The following GRM3 variants were observed in gnomAD, a reference collection of about 807,000 sequenced individuals.
GRM3 encodes metabotropic glutamate receptor 3.
GRM3 carries 26 observed loss-of-function variants against 70.5 expected under a neutral mutation model. That is an observed-to-expected ratio of 0.37 (90% CI 0.27 to 0.51). GRM3 has a LOEUF of 0.51. Ranked by LOEUF, GRM3 falls within the 20% of genes least tolerant of loss-of-function variation. GRM3 has a pLI of 0.93. For missense variants in GRM3, 859 were observed against 1,123.8 expected (o/e 0.76, Z 3.37); for synonymous variants, 443 against 434.9 (o/e 1.02, Z -0.23).
chr7:86,843,864 C>T (rs1216720559), intron 4 of GRM3, among the ~76,000 whole-genome samples: 1 of 152,082 alleles, frequency 6.6e-6, no homozygotes, highest in African/African-American at 2.4e-5. Flanking sequence ...TAAAAAATCA[C>T]CTTGAAAAGC....
intron 1 of GRM3, among the ~76,000 whole-genome samples, chr7:86,677,762 G>C (rs1399603461): frequency 6.6e-6 from 1 of 151,912 alleles, no homozygotes; most frequent in African/African-American, 2.4e-5. Context: ...ATATCAAGGA[G>C]ACTTTAAGAT....
intron 1 of GRM3, among the ~76,000 whole-genome samples, chr7:86,730,453 T>C (rs535686270): frequency 4.1e-4 from 62 of 152,290 alleles, no homozygotes; most frequent in African/African-American, 1.3e-3. Context: ...CTCATAGCCA[T>C]AGAGGAAAGC....
intron 1 of GRM3, among the ~76,000 whole-genome samples, chr7:86,700,946 T>C (rs1230515820): frequency 2.0e-5 from 3 of 151,992 alleles, no homozygotes; most frequent in Admixed American, 2.0e-4. Flanking sequence ...TTAATTGATG[T>C]TCATTGTAAT....
intron 4 of GRM3, among the ~76,000 whole-genome samples, chr7:86,841,462 G>C (rs1186379203): frequency 6.6e-6 from 1 of 152,088 alleles, no homozygotes; most frequent in Non-Finnish European, 1.5e-5. Context: ...GATTAACATG[G>C]AGAACTATAG....
intron 1 of GRM3, among the ~76,000 whole-genome samples, chr7:86,763,912 C>T (rs76232303): frequency 0.022 from 3,309 of 152,110 alleles, 104 homozygotes; most frequent in African/African-American, 0.073. Flanking sequence ...GGTCCTGCTA[C>T]GAATTACAAG....
chr7:86,782,708 C>A lies in GRM3; in HGVS notation c.469-3553C>A, dbSNP rs141107090. Among the ~76,000 whole-genome samples the A allele has an allele frequency of 5.2e-3, 792 of 152,284 alleles. 4 individuals are homozygous for A. Among genetic ancestry groups the A allele is most frequent in the African/African-American group, 0.018 (754 of 41,560 alleles). On this transcript the variant is annotated intron_variant, in intron 2 of 5. Transcript: ENST00000361669. ...TTCTGTGTTGCTGGTTCTTCTAACA[C>A]CAAAATCCCCCAAATGCAGCCTAGC...
intron 1 of GRM3, among the ~76,000 whole-genome samples, chr7:86,729,023 C>T (rs574277552): frequency 7.2e-5 from 11 of 152,150 alleles, no homozygotes; most frequent in Non-Finnish European, 1.6e-4. Flanking sequence ...GAAGGGGGCA[C>T]TCTTTTGTCT....
At chr7:86,784,643 C>G (rs1797176808) in intron 2 of GRM3, 1 of 152,178 alleles carries the variant, frequency 6.6e-6, no homozygotes, top group South Asian at 2.1e-4. Flanking sequence ...CCATTTTGTC[C>G]AGAGTCTCCT....
intron 1 of GRM3, among the ~76,000 whole-genome samples, chr7:86,661,428 G>A (rs1442646672): frequency 2.6e-5 from 4 of 151,882 alleles, no homozygotes; most frequent in African/African-American, 9.7e-5. Flanking sequence ...GGTAGGTGCT[G>A]GGGATCTGTC....
intron 5 of GRM3, among the ~76,000 whole-genome samples, chr7:86,856,452 C>CAA (rs572172399): frequency 4.1e-4 from 28 of 67,518 alleles, no homozygotes; most frequent in Middle Eastern, 8.9e-3. Context: ...TCGCCCTCTG[C>CAA]AAAAAAAAAA....
rs1355378184 is a variant in GRM3 at position 86,839,755 on chromosome 7, G to A, written c.2241G>A (p.Leu747=). 6.2e-7 allele frequency: 1 copy of A among 1,613,888 alleles called. No individual in the cohort carries two copies. Among genetic ancestry groups the A allele is most frequent in the African/African-American group, 1.3e-5 (1 of 74,890 alleles). The change falls in exon 4 of 6, where the codon CTG becomes CTA. Residue 747 remains leucine, a synonymous_variant. Transcript: ENST00000361669. This position sits in a 1 kb window ranked among gnomAD's most constrained non-coding sequence, Gnocchi z 4.5. ...MLISLTYDVI[L]VILCTVYAFK... is the part of the protein sequence containing the mutation. ...TCTCTCTTACCTACGATGTGATCCT[G>A]GTGATCTTATGCACTGTGTACGCCT... is the stretch of plus-strand genomic sequence containing the variant.
intron 1 of GRM3, among the ~76,000 whole-genome samples, chr7:86,745,640 G>A (rs979080314): frequency 1.3e-5 from 2 of 151,980 alleles, no homozygotes; most frequent in African/African-American, 2.4e-5. Context: ...TTGGGCTTTG[G>A]GCTTTTGGAG....
intron 3 of GRM3, among the ~76,000 whole-genome samples, chr7:86,821,185 T>C (rs987068358): frequency 6.6e-6 from 1 of 150,442 alleles, no homozygotes; most frequent in Non-Finnish European, 1.5e-5. Context: ...TTTTTTTAAC[T>C]AGAAAGAGAA....
chr7:86,853,938 G>A (rs1798799898), intron 5 of GRM3, among the ~76,000 whole-genome samples: 1 of 152,138 alleles, frequency 6.6e-6, no homozygotes, highest in East Asian at 1.9e-4. Context: ...ATCTTGGCAG[G>A]AAGCCTGTCC....
At chr7:86,724,263 C>T (rs535716136) in intron 1 of GRM3, among the ~76,000 whole-genome samples, 2 of 152,176 alleles carry the variant, frequency 1.3e-5, no homozygotes, top group East Asian at 1.9e-4. Flanking sequence ...TTTACAAACA[C>T]GACATCTATA....
intron 4 of GRM3, 126 bp from the exon 5 acceptor site, chr7:86,850,244 C>T (rs918593635): frequency 3.2e-6 from 2 of 629,334 alleles, no homozygotes; most frequent in Admixed American, 5.3e-5. Context: ...ATTGATTTGG[C>T]TACAATAAGG....
intron 5 of GRM3, among the ~76,000 whole-genome samples, chr7:86,863,595 C>G (rs1798999188): frequency 6.6e-6 from 1 of 152,144 alleles, no homozygotes; most frequent in Non-Finnish European, 1.5e-5. Context: ...AGTGTTTTTA[C>G]TGAGGTTATC....
chr7:86,644,912 C>A, intron 1 of GRM3, 40 bp downstream of exon 1: 1 of 1,180,518 alleles, frequency 8.5e-7, no homozygotes, highest in Non-Finnish European at 1.1e-6. Context: ...CTGGAGGGCG[C>A]CCAGCCAGGG....
chr7:86,650,928 T>C (rs1395333729), intron 1 of GRM3, among the ~76,000 whole-genome samples: 1 of 152,240 alleles, frequency 6.6e-6, no homozygotes, highest in Non-Finnish European at 1.5e-5. Context: ...GAAGTAGTAA[T>C]GGTTCATCTT....
Sources: allele counts gnomAD v4.1 joint callset (sites outside exome capture counted in the v4.1 genomes callset), GRCh38; gene constraint gnomAD v4.1.1; non-coding constraint Gnocchi (gnomAD v3.1); transcripts MANE v1.5; gene names NCBI Gene and HGNC (gene_info 2026-07-23, HGNC 2026-07-21).